GFM2: variants seen among roughly 807,000 people sequenced by gnomAD.
The protein encoded by GFM2 is ribosome-releasing factor 2, mitochondrial.
In GFM2, 72 loss-of-function variants were observed where a neutral mutation model predicts 95.4. The ratio of observed to expected loss-of-function variants is 0.76; its 90% CI spans 0.62 to 0.92. The LOEUF is 0.92. Among genes scored for constraint, GFM2 ranks in the 40% least tolerant of loss-of-function variants. The pLI is 0.00. For missense variants in GFM2, 825 were observed against 924.1 expected (o/e 0.89, Z 1.39); for synonymous variants, 276 against 317.5 (o/e 0.87, Z 1.39).
At chr5:74,744,133 A>G (rs1463747174) in intron 10 of GFM2, among the ~76,000 whole-genome samples, 4 of 152,204 alleles carry the variant, frequency 2.6e-5, no homozygotes, top group African/African-American at 4.8e-5. Flanking sequence ...CCTAGACGGC[A>G]TAGCCTGCTT....
intron 20 of GFM2, 139 bp from the exon 21 acceptor site, chr5:74,721,922 T>A: frequency 1.4e-6 from 1 of 734,442 alleles, no homozygotes; most frequent in East Asian, 2.7e-5. Flanking sequence ...TCCAAACAGA[T>A]GATTTAACTT....
chr5:74,741,627 A>C lies in GFM2; in HGVS notation c.850-18T>G. On this transcript the variant is annotated intron_variant, in intron 10 of 20. Transcript: ENST00000296805. ...TCTGCAACCTATAAAGAAAGGTTTT[A>C]GAGTTCTATAACTTGCATTTACTTT... is the stretch of plus-strand genomic sequence containing the variant. 1 of 1,381,540 alleles carries C rather than the reference A, an allele frequency of 7.2e-7. No homozygotes were observed. The highest frequency in any genetic ancestry group is 1.0e-6 in the Non-Finnish European group (1 of 982,422). The allele number at this position is 1,381,540 out of a possible 1,614,324, so 85.6% of individuals were successfully genotyped here.
intron 7 of GFM2, among the ~76,000 whole-genome samples, chr5:74,748,055 G>A (rs1010215811): frequency 6.6e-6 from 1 of 152,212 alleles, no homozygotes; most frequent in Non-Finnish European, 1.5e-5. Context: ...AACACCTCAG[G>A]AGGTACTGAG....
intron 19 of GFM2, among the ~76,000 whole-genome samples, chr5:74,722,897 A>G (rs2112199987): frequency 6.6e-6 from 1 of 152,240 alleles, no homozygotes; most frequent in South Asian, 2.1e-4. Context: ...AGTCCATGCC[A>G]TGCCACATGC....
Position 74,738,482 on chromosome 5 carries a change from T to TA in GFM2, c.1220+19dup. ...AAGAAGTGCATACAGTTTTATAAAA[T>TA]AATCTAAGCTTCTACTTACGTGCAG... On this transcript the variant is annotated intron_variant, in intron 13 of 20. Transcript: ENST00000296805. 1 of 1,610,048 alleles carries TA rather than the reference T, an allele frequency of 6.2e-7. No individual in the cohort carries two copies. The highest frequency in any genetic ancestry group is 8.5e-7 in the Non-Finnish European group (1 of 1,178,500).
At chr5:74,724,410 G>A (rs72764642) in intron 19 of GFM2, among the ~76,000 whole-genome samples, 9,212 of 151,664 alleles carry the variant, frequency 0.061, 386 homozygotes, top group Non-Finnish European at 0.091. Context: ...GGCCGAGGTT[G>A]GCAGACTGCT....
At chr5:74,729,221 A>T (rs1750301338) in intron 17 of GFM2, among the ~76,000 whole-genome samples, 1 of 152,222 alleles carries the variant, frequency 6.6e-6, no homozygotes, top group Non-Finnish European at 1.5e-5. Context: ...AAAGACCTGT[A>T]TCAGAAGCCT....
At position 74,736,979 on chromosome 5, in the gene GFM2, T is replaced by C; in HGVS notation, c.1327A>G (p.Thr443Ala). 1 of 1,613,192 alleles carries C rather than the reference T, an allele frequency of 6.2e-7. No individual in the cohort carries two copies. Among genetic ancestry groups the C allele is most frequent in the Non-Finnish European group, 8.5e-7 (1 of 1,179,642 alleles). Residue 443 changes from threonine (T) to alanine (A), a missense_variant, in exon 15 of 21, where the codon ACT (threonine) becomes GCT (alanine). Thr to Ala is a moderately conservative substitution (Grantham distance 58, BLOSUM62 0). Transcript: ENST00000296805. ...ALTVGLKHTATGDTIVSSKSS... is the reference protein window; with the variant it reads ...ALTVGLKHTAAGDTIVSSKSS... ...TTGGATGAGACAATGGTGTCTCCAG[T>C]GGCAGTCTGCAAGCAAACAAGATGA...
intron 3 of GFM2, among the ~76,000 whole-genome samples, chr5:74,760,674 T>C (rs1744233538): frequency 6.6e-6 from 1 of 152,204 alleles, no homozygotes. Context: ...GCCACCAACC[T>C]TTCCTTTGCT....
At chr5:74,733,220 G>T in intron 15 of GFM2, 122 bp from the exon 16 acceptor site, 1 of 659,096 alleles carries the variant, frequency 1.5e-6, no homozygotes, top group Non-Finnish European at 2.6e-6. Flanking sequence ...ACCAGGTGTG[G>T]TGACTCACGT....
chr5:74,746,758 T>A (rs537871664), intron 8 of GFM2, among the ~76,000 whole-genome samples: 1 of 152,100 alleles, frequency 6.6e-6, no homozygotes, highest in African/African-American at 2.4e-5. Context: ...GTCATATCCC[T>A]CCCCATTGCC....
chr5:74,754,690 A>G (rs1370905101), intron 5 of GFM2, among the ~76,000 whole-genome samples: 6 of 152,196 alleles, frequency 3.9e-5, no homozygotes, highest in African/African-American at 1.4e-4. Flanking sequence ...TGCACATAAC[A>G]TTGCAGCTCC....
chr5:74,754,715 A>T (rs1030802637), intron 5 of GFM2, among the ~76,000 whole-genome samples: 2 of 152,214 alleles, frequency 1.3e-5, no homozygotes, highest in Non-Finnish European at 2.9e-5. Context: ...TTTATAAAAT[A>T]ATTACTACTA....
chr5:74,730,080 T>C (rs1233370157), intron 17 of GFM2, among the ~76,000 whole-genome samples, 180 bp downstream of exon 17: 1 of 152,018 alleles, frequency 6.6e-6, no homozygotes, highest in Non-Finnish European at 1.5e-5. Context: ...TGGCTGATAA[T>C]CAAATAGGGC....
chr5:74,742,551 T>C lies in GFM2; in HGVS notation c.850-942A>G, dbSNP rs559424546. ...CTAGTGTATAATAAGTATTAGCTAT[T>C]ATTACTGTGCACCTTCAATATTGGA... On this transcript the variant is annotated intron_variant, in intron 10 of 20. Coordinates refer to ENST00000296805, the MANE Select transcript of GFM2 (RefSeq NM_032380.5). 2.6e-5 allele frequency among the ~76,000 whole-genome samples: 4 copies of C among 152,380 alleles called. No individual in the cohort carries two copies. In the South Asian group the frequency reaches 8.3e-4, roughly 32 times the overall value.
At chr5:74,734,504 G>A (rs1359822042) in intron 15 of GFM2, among the ~76,000 whole-genome samples, 1 of 152,048 alleles carries the variant, frequency 6.6e-6, no homozygotes, top group Non-Finnish European at 1.5e-5. Flanking sequence ...CTTAGGTTCT[G>A]GACCTACTGA....
chr5:74,747,516 C>T (rs141364450), intron 8 of GFM2, among the ~76,000 whole-genome samples, 176 bp downstream of exon 8: 1 of 152,182 alleles, frequency 6.6e-6, no homozygotes, highest in East Asian at 1.9e-4. Flanking sequence ...TGTTATATAA[C>T]CTATGGATTA....
Position 74,746,163 on chromosome 5 carries a change from A to G in GFM2, c.611T>C (p.Phe204Ser). The stretch of plus-strand genomic sequence containing the variant: ...TCTGATGCTTTCAACTGCATACTTA[A>G]AGCTGTAGAAAGCAAAATAATTATA... ...LNKMDKTGAS[F>S]KYAVESIREK... Residue 204 changes from phenylalanine to serine, a missense_variant and splice_region_variant, in exon 9 of 21, where the codon TTT becomes TCT. Transcript: ENST00000296805. 1 of 1,479,494 alleles carries G rather than the reference A, an allele frequency of 6.8e-7. No individual in the cohort carries two copies. The highest frequency in any genetic ancestry group is 9.0e-7 in the Non-Finnish European group (1 of 1,109,230). The allele number at this position is 1,479,494 out of a possible 1,614,324, so 91.6% of individuals were successfully genotyped here.
intron 8 of GFM2, among the ~76,000 whole-genome samples, chr5:74,747,388 G>A (rs913394999): frequency 1.3e-5 from 2 of 152,178 alleles, no homozygotes; most frequent in African/African-American, 4.8e-5. Flanking sequence ...GACTATACCT[G>A]TGTTCTAAAG....
Sources: gnomAD v4.1 joint callset for allele counts (sites outside exome capture counted in the v4.1 genomes callset) on GRCh38, gnomAD v4.1.1 for gene constraint, MANE v1.5 for transcripts, NCBI Gene and HGNC (gene_info 2026-07-23, HGNC 2026-07-21) for gene names.